Variants in PDCL observed in about 807,000 individuals in gnomAD.
The protein encoded by PDCL is phosducin-like protein.
A neutral mutation model predicts 26.7 loss-of-function variants in PDCL; 11 were observed. That is an observed-to-expected ratio of 0.41 (90% confidence interval 0.26 to 0.68). The LOEUF (loss-of-function observed/expected upper bound fraction) is 0.68, where lower values mean the gene tolerates loss of function less well. Ranked by LOEUF, PDCL falls within the 30% of genes least tolerant of loss-of-function variation. The probability of loss-of-function intolerance (pLI) is 0.30; values close to 1 mark genes in which losing one functional copy is unlikely to be tolerated. For synonymous variants in PDCL, 118 were observed against 134.9 expected (o/e 0.87, Z 0.87); for missense variants, 330 against 371.6 (o/e 0.89, Z 0.92).
intron 2 of PDCL, among the ~76,000 whole-genome samples, chr9:122,823,875 T>TC: frequency 6.7e-6 from 1 of 150,130 alleles, no homozygotes; most frequent in East Asian, 2.0e-4. Context: ...GTTCAAGCAA[T>TC]CCCCCTGCCT....
In PDCL at chr9:122,828,255, C is replaced by G. The variant is rs537376605; in HGVS notation, c.-6+216G>C. On this transcript the variant is annotated intron_variant, in intron 1 of 3. Transcript: ENST00000259467. ...ACGCGAGCAGAGGAGGCGGGGCCCC[C>G]GGACGGGAAGCAGAGGGGTGTGTGG... Among the ~76,000 whole-genome samples, 961 of 151,602 alleles carry G rather than the reference C, an allele frequency of 6.3e-3. 7 individuals are homozygous for G. The highest frequency in any genetic ancestry group is 0.022 in the African/African-American group (900 of 41,258).
At chr9:122,825,976 G>A (rs1008854463) in intron 2 of PDCL, among the ~76,000 whole-genome samples, 7 of 152,308 alleles carry the variant, frequency 4.6e-5, no homozygotes, top group African/African-American at 1.7e-4. Context: ...TTTTAAGAGA[G>A]GAACCTCATG....
intron 1 of PDCL, among the ~76,000 whole-genome samples, chr9:122,827,423 G>T (rs1829642113): frequency 6.6e-6 from 1 of 152,114 alleles, no homozygotes; most frequent in African/African-American, 2.4e-5. Context: ...ACTCCCAAGG[G>T]TTTAAAGGAC....
intron 1 of PDCL, among the ~76,000 whole-genome samples, chr9:122,828,162 G>A (rs1225175783): frequency 6.6e-6 from 1 of 152,126 alleles, no homozygotes; most frequent in Non-Finnish European, 1.5e-5. Flanking sequence ...CGGCGGAGGG[G>A]AGGGAAGGAG....
Position 122,820,271 on chromosome 9 carries a change from C to T in PDCL, c.720G>A (p.Lys240=). 6.2e-7 allele frequency: 1 copy of T among 1,614,160 alleles called. No homozygotes were observed. Among genetic ancestry groups the T allele is most frequent in the South Asian group, 1.1e-5 (1 of 91,074 alleles). ...CAAAATTGCCGATCAATTCACCCCC[C>T]TTATAGATCAGCAGGGCAGGAAGGG... ...RNALPALLIY[K]GGELIGNFVR... is the part of the protein sequence containing the mutation. Residue 240 remains lysine, a synonymous_variant, in exon 4 of 4, where the codon AAG becomes AAA. Coordinates refer to ENST00000259467, the MANE Select transcript of PDCL (RefSeq NM_005388.5).
intron 2 of PDCL, among the ~76,000 whole-genome samples, chr9:122,825,150 A>C (rs1056033805): frequency 6.6e-6 from 1 of 152,196 alleles, no homozygotes; most frequent in African/African-American, 2.4e-5. Context: ...ATACTAATGA[A>C]AAGTATAGGA....
chr9:122,827,405 T>C (rs1829641840), intron 1 of PDCL, among the ~76,000 whole-genome samples: 1 of 152,106 alleles, frequency 6.6e-6, no homozygotes, highest in Non-Finnish European at 1.5e-5. Flanking sequence ...CATACAAAGA[T>C]TTTAATAACT....
Position 122,826,142 on chromosome 9 carries a change from T to G in PDCL, c.172+474A>C, listed in dbSNP as rs149902221. 1.2e-3 allele frequency among the ~76,000 whole-genome samples: 189 copies of G among 152,032 alleles called. 1 individual carries two copies. Among genetic ancestry groups the G allele is most frequent in the Admixed American group, 0.011 (167 of 15,270 alleles). On this transcript the variant is annotated intron_variant, in intron 2 of 3. Coordinates refer to ENST00000259467, the MANE Select transcript of PDCL (RefSeq NM_005388.5). ...AAAAAAAAGGTGGTGGGGGCGGAAATAAACCTACAATGAATTACTACAATA... is the reference window on the plus strand; with the variant it reads ...AAAAAAAAGGTGGTGGGGGCGGAAAGAAACCTACAATGAATTACTACAATA...
chr9:122,822,991 G>GA (rs1156512145), intron 3 of PDCL, 25 bp downstream of exon 3: 1 of 1,606,176 alleles, frequency 6.2e-7, no homozygotes, highest in Non-Finnish European at 8.5e-7. Context: ...CAGACTCTAA[G>GA]AAAAGCCTGA....
rs1829575153 is a variant in PDCL at position 122,823,181 on chromosome 9, G to A, written c.189C>T (p.Ile63=). ...ACTGCTTGAAGCGGCGCCAGTCATT[G>A]ATCACACCTTTTGGGCCTGAGTAGG... is the stretch of plus-strand genomic sequence containing the variant. ...ISVNTGPKGV[I]NDWRRFKQLE... Residue 63 remains isoleucine (I), a synonymous_variant, in exon 3 of 4, where the codon ATC becomes ATT. Coordinates refer to ENST00000259467, the MANE Select transcript of PDCL (RefSeq NM_005388.5). The A allele has an allele frequency of 6.2e-7, 1 of 1,614,050 alleles. No homozygotes were observed. The highest frequency in any genetic ancestry group is 8.5e-7 in the Non-Finnish European group (1 of 1,180,014).
intron 1 of PDCL, among the ~76,000 whole-genome samples, 193 bp downstream of exon 1, chr9:122,828,278 T>G (rs1165003361): frequency 4.1e-5 from 6 of 146,158 alleles, no homozygotes; most frequent in African/African-American, 1.0e-4. Context: ...GAGGGGTGTG[T>G]GGAGCTTTTG....
rs775698700 is a variant in PDCL, at chr9:122,823,023, C to A, written c.347G>T (p.Ser116Ile). The change falls in exon 3 of 4, where the codon AGT becomes ATT. Residue 116 changes from serine to isoleucine, a missense_variant. Coordinates refer to ENST00000259467, the MANE Select transcript of PDCL (RefSeq NM_005388.5). ...CTGAGTACTGCTAATTACCTTCCCACTGATCTTCTCCTGGAGGTCTTTCTG... is the reference window on the plus strand; with the variant it reads ...CTGAGTACTGCTAATTACCTTCCCAATGATCTTCTCCTGGAGGTCTTTCTG... Reference protein sequence around the residue: ...QKQKDLQEKISGKMTLKEFAI... With the variant: ...QKQKDLQEKIIGKMTLKEFAI... 1 of 1,614,104 alleles carries A rather than the reference C, an allele frequency of 6.2e-7. No homozygotes were observed. Among genetic ancestry groups the A allele is most frequent in the Non-Finnish European group, 8.5e-7 (1 of 1,179,934 alleles).
rs199656584 is a variant in PDCL at position 122,826,675 on chromosome 9, G to A, written c.113C>T (p.Ala38Val). The change falls in exon 2 of 4, where the codon GCC becomes GTC. Residue 38 changes from alanine (A) to valine (V), a missense_variant. Transcript: ENST00000259467. ...EDKDRGRCAP[A>V]SSSVPAEAEL... is the part of the protein sequence containing the mutation. The stretch of plus-strand genomic sequence containing the variant: ...AGCCTCTGCAGGCACAGAACTGCTG[G>A]CTGGGGCACATCTGCCTCGGTCCTT... 2 of 1,614,062 alleles carry A rather than the reference G, an allele frequency of 1.2e-6. No homozygotes were observed. The highest frequency in any genetic ancestry group is 1.7e-6 in the Non-Finnish European group (2 of 1,180,036).
intron 2 of PDCL, among the ~76,000 whole-genome samples, chr9:122,825,653 C>T (rs891293889): frequency 1.3e-5 from 2 of 152,036 alleles, no homozygotes; most frequent in African/African-American, 4.8e-5. Flanking sequence ...ATATTTACCA[C>T]TCATATCACA....
In PDCL at chr9:122,820,328, A is replaced by G; in HGVS notation, c.663T>C (p.Val221=). 1 of 1,614,116 alleles carries G rather than the reference A, an allele frequency of 6.2e-7. No individual in the cohort carries two copies. The highest frequency in any genetic ancestry group is 8.5e-7 in the Non-Finnish European group (1 of 1,180,026). ...AVKFCKVKSS[V]IGASSQFTRN... ...TGGTGAACTGACTGCTGGCGCCAAT[A>G]ACTGAGCTCTTCACCTTGCAGAACT... The change falls in exon 4 of 4, where the codon GTT becomes GTC. Residue 221 remains valine (V), a synonymous_variant. Transcript: ENST00000259467.
intron 1 of PDCL, among the ~76,000 whole-genome samples, chr9:122,827,430 G>C (rs1829642158): frequency 6.6e-6 from 1 of 152,136 alleles, no homozygotes; most frequent in Non-Finnish European, 1.5e-5. Context: ...AGGGTTTAAA[G>C]GACTATGATG....
Position 122,820,140 on chromosome 9 carries a change from G to A in PDCL, c.851C>T (p.Ser284Phe), listed in dbSNP as rs1829533266. 2 of 1,613,992 alleles carry A rather than the reference G, an allele frequency of 1.2e-6. No homozygotes were observed. Reference protein sequence around the residue: ...LPEKEVLVLTSVRNSATCHSE... With the variant: ...LPEKEVLVLTFVRNSATCHSE... Reference sequence around the variant, plus strand: ...GTGACACGTGGCAGAGTTACGCACAGATGTCAGCACCAAGACTTCCTTTTC... The same window carrying A: ...GTGACACGTGGCAGAGTTACGCACAAATGTCAGCACCAAGACTTCCTTTTC... The change falls in exon 4 of 4, where the codon TCT (serine) becomes TTT (phenylalanine). Residue 284 changes from serine to phenylalanine, a missense_variant. Ser to Phe is a radical substitution (Grantham distance 155). Coordinates refer to ENST00000259467, the MANE Select transcript of PDCL (RefSeq NM_005388.5).
chr9:122,822,651 C>A (rs557961566), intron 3 of PDCL, among the ~76,000 whole-genome samples: 3 of 152,250 alleles, frequency 2.0e-5, no homozygotes, highest in East Asian at 3.9e-4. Context: ...TACCACCACC[C>A]TAAGAGGGTT....
chr9:122,822,172 C>T (rs1471068977), intron 3 of PDCL, among the ~76,000 whole-genome samples: 1 of 152,158 alleles, frequency 6.6e-6, no homozygotes, highest in African/African-American at 2.4e-5. Context: ...TGGGCCATAA[C>T]TAAATGATCT....
Sources: gnomAD v4.1 joint callset for allele counts (sites outside exome capture counted in the v4.1 genomes callset) on GRCh38, gnomAD v4.1.1 for gene constraint, MANE v1.5 for transcripts, NCBI Gene and HGNC (gene_info 2026-07-23, HGNC 2026-07-21) for gene names.